The following SEMA5A variants were observed in gnomAD, a reference collection of about 807,000 sequenced individuals.
SEMA5A encodes semaphorin-5A.
In SEMA5A, 55 loss-of-function variants were observed where a neutral mutation model predicts 135.5. The observed-to-expected ratio is 0.41, with a 90% CI of 0.33 to 0.51. The LOEUF (loss-of-function observed/expected upper bound fraction) is 0.51, where lower values mean the gene tolerates loss of function less well. SEMA5A is among the 20% of genes least tolerant of loss of function. SEMA5A has a pLI of 0.37. For missense variants in SEMA5A, 1,290 were observed against 1,419.9 expected, an observed-to-expected ratio of 0.91 and a Z score of 1.47; for synonymous variants, 580 against 546.5, an observed-to-expected ratio of 1.06 and a Z score of -0.85.
intron 1 of SEMA5A, among the ~76,000 whole-genome samples, chr5:9,536,906 C>T (rs1737799661): frequency 6.6e-6 from 1 of 152,164 alleles, no homozygotes; most frequent in South Asian, 2.1e-4. Flanking sequence ...GGAGGTGCCG[C>T]AGACACAAGG....
rs1415296325 is a variant in SEMA5A at position 9,119,087 on chromosome 5, C to T, written c.1836G>A (p.Gly612=). The T allele has an allele frequency of 6.2e-7, 1 of 1,613,876 alleles. No homozygotes were observed. The highest frequency in any genetic ancestry group is 8.5e-7 in the Non-Finnish European group (1 of 1,179,978). Residue 612 remains glycine, a synonymous_variant, in exon 15 of 23, where the codon GGG becomes GGA. Transcript: ENST00000382496. Reference sequence around the variant, plus strand: ...AGCGCTGCCGCACCTGGAAGCCGATCCCACAGGTAGTGCTGCAGGGAGACC... The same window carrying T: ...AGCGCTGCCGCACCTGGAAGCCGATTCCACAGGTAGTGCTGCAGGGAGACC... The part of the protein sequence containing the change: ...TSWSPCSTTC[G]IGFQVRQRSC...
intron 18 of SEMA5A, among the ~76,000 whole-genome samples, chr5:9,061,567 G>A (rs1369890143): frequency 1.3e-5 from 2 of 152,140 alleles, no homozygotes; most frequent in Non-Finnish European, 2.9e-5. Context: ...AGTTCTGGTG[G>A]AAGTGTTTTA....
intron 12 of SEMA5A, among the ~76,000 whole-genome samples, chr5:9,149,361 G>A (rs764611521): frequency 2.2e-4 from 34 of 152,124 alleles, no homozygotes; most frequent in African/African-American, 8.0e-4. Context: ...GTCCACATCA[G>A]GGCCAGGTGC....
intron 5 of SEMA5A, among the ~76,000 whole-genome samples, chr5:9,259,409 T>C (rs1749278684): frequency 6.6e-6 from 1 of 151,972 alleles, no homozygotes; most frequent in Non-Finnish European, 1.5e-5. Context: ...TGCACTGTGG[T>C]CTGAGAGATA....
At chr5:9,315,466 T>C (rs73048693) in intron 5 of SEMA5A, among the ~76,000 whole-genome samples, 4,546 of 152,306 alleles carry the variant, frequency 0.03, 232 homozygotes, top group African/African-American at 0.1. Flanking sequence ...CCAAATAATG[T>C]CCTTTATAGT....
At chr5:9,133,178 G>A (rs1054745308) in intron 13 of SEMA5A, among the ~76,000 whole-genome samples, 15 of 151,970 alleles carry the variant, frequency 9.9e-5, no homozygotes, top group African/African-American at 3.1e-4. Flanking sequence ...AAAATAACAC[G>A]GAAGAAAATT....
chr5:9,534,638 A>G (rs968510490), intron 1 of SEMA5A, among the ~76,000 whole-genome samples: 7 of 152,184 alleles, frequency 4.6e-5, no homozygotes, highest in Non-Finnish European at 7.3e-5. Flanking sequence ...CTCGTGCAAG[A>G]AAGAATTCAA....
chr5:9,066,271 C>A, intron 17 of SEMA5A, 150 bp downstream of exon 17: 1 of 706,612 alleles, frequency 1.4e-6, no homozygotes, highest in Admixed American at 2.4e-5. Context: ...GTCCTACAGT[C>A]AGTTGTGCTC....
At chr5:9,237,699 A>G (rs1747984433) in intron 6 of SEMA5A, 129 bp downstream of exon 6, 2 of 700,706 alleles carry the variant, frequency 2.9e-6, no homozygotes, top group African/African-American at 3.6e-5. Flanking sequence ...CCGTATACAT[A>G]TTTTGAATCT....
Position 9,042,802 on chromosome 5 carries a change from A to T in SEMA5A, c.*95T>A. 3 of 1,488,328 alleles carry T rather than the reference A, an allele frequency of 2.0e-6. No homozygotes were observed. In the South Asian group the frequency reaches 3.6e-5, roughly 18 times the overall value. The allele number at this position is 1,488,328 out of a possible 1,614,324, so 92.2% of individuals were successfully genotyped here. A position where few individuals can be genotyped will look rare whatever the true frequency, so the allele number is the denominator to read the frequency against. Reference sequence around the variant, plus strand: ...CTTGAAATGCACTTGAAATGTATCCAAACTTCGACTCTGAAGCCTCAGAAA... The same window carrying T: ...CTTGAAATGCACTTGAAATGTATCCTAACTTCGACTCTGAAGCCTCAGAAA... On this transcript the variant is annotated 3_prime_UTR_variant, in exon 23 of 23. Coordinates refer to ENST00000382496, the MANE Select transcript of SEMA5A (RefSeq NM_003966.3).
chr5:9,334,376 T>A (rs1753289573), intron 4 of SEMA5A, among the ~76,000 whole-genome samples: 1 of 152,232 alleles, frequency 6.6e-6, no homozygotes, highest in Non-Finnish European at 1.5e-5. Flanking sequence ...TATATCTTAC[T>A]CATATGCCCT....
chr5:9,201,800 T>C (rs547809905), intron 9 of SEMA5A, among the ~76,000 whole-genome samples, 155 bp downstream of exon 9: 7 of 152,306 alleles, frequency 4.6e-5, no homozygotes, highest in African/African-American at 9.6e-5. Context: ...ATCTAACATG[T>C]AGTCTACTGA....
At chr5:9,238,333 A>T (rs1413298294) in intron 5 of SEMA5A, among the ~76,000 whole-genome samples, 1 of 152,200 alleles carries the variant, frequency 6.6e-6, no homozygotes, top group Non-Finnish European at 1.5e-5. Context: ...ATATTCATAG[A>T]TAATGAAGGA....
intron 16 of SEMA5A, among the ~76,000 whole-genome samples, chr5:9,093,869 C>T (rs570897132): frequency 2.0e-5 from 3 of 152,062 alleles, no homozygotes; most frequent in Admixed American, 6.5e-5. Flanking sequence ...GGTGTGAATC[C>T]CATGTCCTTG....
chr5:9,356,455 T>C (rs184922413), intron 3 of SEMA5A, among the ~76,000 whole-genome samples: 45 of 152,200 alleles, frequency 3.0e-4, no homozygotes, highest in Non-Finnish European at 4.7e-4. Context: ...GTGGGCCAAC[T>C]TGTAGACACT....
At chr5:9,281,823 CTTTTT>C (rs66509315) in intron 5 of SEMA5A, among the ~76,000 whole-genome samples, 3 of 121,672 alleles carry the variant, frequency 2.5e-5, no homozygotes, top group African/African-American at 3.1e-5. Context: ...GATACAGGCA[CTTTTT>C]TTTTTTTTTT....
At chr5:9,157,426 C>A (rs956095723) in intron 11 of SEMA5A, among the ~76,000 whole-genome samples, 1 of 152,212 alleles carries the variant, frequency 6.6e-6, no homozygotes, top group South Asian at 2.1e-4. Context: ...ATGTGGCCTA[C>A]CAGCATGTCC....
intron 5 of SEMA5A, among the ~76,000 whole-genome samples, chr5:9,301,600 C>A (rs893745442): frequency 6.6e-6 from 1 of 152,140 alleles, no homozygotes; most frequent in African/African-American, 2.4e-5. Context: ...AAGTAGCCTG[C>A]ACTTGACGTC....
Position 9,189,286 on chromosome 5 carries a change from C to T in SEMA5A, c.1273+981G>A, listed in dbSNP as rs554060627. ...TTATTATCTGCTGTCCCCACTAGAA[C>T]GTAAGGTCCAGCAGGGCAGGTGATG... On this transcript the variant is annotated intron_variant, in intron 11 of 22. Coordinates refer to ENST00000382496, the MANE Select transcript of SEMA5A (RefSeq NM_003966.3). Among the ~76,000 whole-genome samples, 11 of 152,178 alleles carry T rather than the reference C, an allele frequency of 7.2e-5. No individual in the cohort carries two copies. In the South Asian group the frequency reaches 1.0e-3, roughly 14 times the overall value.
Sources: allele counts gnomAD v4.1 joint callset (sites outside exome capture counted in the v4.1 genomes callset), GRCh38; gene constraint gnomAD v4.1.1; transcripts MANE v1.5; gene names NCBI Gene and HGNC (gene_info 2026-07-23, HGNC 2026-07-21).